The following MAN2A1 variants were observed in gnomAD, a reference collection of about 807,000 sequenced individuals.
MAN2A1 encodes the protein mannosidase alpha class 2A member 1.
Under a neutral mutation model 142.6 loss-of-function variants are expected in MAN2A1, and 76 were observed. The observed-to-expected ratio is 0.53, with a 90% confidence interval of 0.44 to 0.65. MAN2A1 has a LOEUF of 0.65. Among genes scored for constraint, MAN2A1 ranks in the 30% least tolerant of loss-of-function variants. The probability of loss-of-function intolerance (pLI) is 0.00; values close to 1 mark genes in which losing one functional copy is unlikely to be tolerated. For synonymous variants in MAN2A1, 559 were observed against 473.2 expected, an observed-to-expected ratio of 1.18 and a Z score of -2.35; for missense variants, 1,311 against 1,365.1, an observed-to-expected ratio of 0.96 and a Z score of 0.62.
At chr5:109,723,302 A>C (rs1751655833) in intron 3 of MAN2A1, among the ~76,000 whole-genome samples, 1 of 152,186 alleles carries the variant, frequency 6.6e-6, no homozygotes, top group African/African-American at 2.4e-5. Flanking sequence ...GAATCAACTG[A>C]GAAAAACAGG....
At position 109,841,456 on chromosome 5, in the gene MAN2A1, C is replaced by T. The variant is rs568259954; in HGVS notation, c.2567-872C>T. Reference sequence around the variant, plus strand: ...TAATAGTCTCCAGTCTCATGGAGGTCGCTGCAAATGCCATTAATTCATTCC... The same window carrying T: ...TAATAGTCTCCAGTCTCATGGAGGTTGCTGCAAATGCCATTAATTCATTCC... On this transcript the variant is annotated intron_variant, in intron 16 of 21. Coordinates refer to ENST00000261483, the MANE Select transcript of MAN2A1 (RefSeq NM_002372.4). Among the ~76,000 whole-genome samples the T allele has an allele frequency of 4.9e-4, 75 of 152,244 alleles. 1 individual carries two copies. In the South Asian group the frequency reaches 0.011, roughly 21 times the overall value.
chr5:109,719,465 A>G (rs1206833615), intron 3 of MAN2A1, among the ~76,000 whole-genome samples: 1 of 152,212 alleles, frequency 6.6e-6, no homozygotes, highest in East Asian at 1.9e-4. Flanking sequence ...GAGGAAAAAG[A>G]GAAAAGTGTG....
chr5:109,861,320 A>G (rs141593201), intron 20 of MAN2A1, among the ~76,000 whole-genome samples: 53 of 152,312 alleles, frequency 3.5e-4, no homozygotes, highest in African/African-American at 1.3e-3. Context: ...GTCATGAACA[A>G]CGGCAGTTGT....
intron 17 of MAN2A1, among the ~76,000 whole-genome samples, chr5:109,843,904 C>T (rs1219029976): frequency 6.6e-6 from 1 of 152,086 alleles, no homozygotes; most frequent in Non-Finnish European, 1.5e-5. Flanking sequence ...AATAATTTTA[C>T]AATAAACACT....
rs568842014 is a variant in MAN2A1, at chr5:109,738,860, T to A, written c.707+9347T>A. Among the ~76,000 whole-genome samples the A allele has an allele frequency of 7.2e-5, 11 of 152,290 alleles. No individual in the cohort carries two copies. The South Asian group carries it at 2.1e-3, about 29-fold the overall frequency. On this transcript the variant is annotated intron_variant, in intron 4 of 21. Transcript: ENST00000261483. ...ACTTTTCTTTTAGTTTTTGTTTTTTTTTGAAACAGGGTCCCACTCTGTTCT... is the reference window on the plus strand; with the variant it reads ...ACTTTTCTTTTAGTTTTTGTTTTTTATTGAAACAGGGTCCCACTCTGTTCT...
chr5:109,714,177 C>CTT (rs376535285), intron 2 of MAN2A1, among the ~76,000 whole-genome samples: 7,713 of 140,560 alleles, frequency 0.055, 215 homozygotes, highest in South Asian at 0.1. Context: ...TAAGGTTAGA[C>CTT]TTTTTTTTTT....
At chr5:109,736,071 C>G (rs1582840750) in intron 4 of MAN2A1, among the ~76,000 whole-genome samples, 1 of 151,918 alleles carries the variant, frequency 6.6e-6, no homozygotes, top group Non-Finnish European at 1.5e-5. Context: ...TCCAGTTACT[C>G]AAGACAAACT....
At chr5:109,854,875 T>C (rs879913170) in intron 19 of MAN2A1, 15 of 282,774 alleles carry the variant, frequency 5.3e-5, no homozygotes, top group Non-Finnish European at 2.6e-5. Flanking sequence ...GAAATGTTTG[T>C]AGGAAATGTT....
intron 16 of MAN2A1, among the ~76,000 whole-genome samples, chr5:109,835,424 C>G (rs1474111233): frequency 6.6e-6 from 1 of 152,204 alleles, no homozygotes; most frequent in South Asian, 2.1e-4. Context: ...TTAAGACACT[C>G]AGACATTTCT....
chr5:109,719,792 T>A, intron 3 of MAN2A1, among the ~76,000 whole-genome samples: 1 of 152,162 alleles, frequency 6.6e-6, no homozygotes. Flanking sequence ...GTTGGTAATA[T>A]CTCTCAAGAA....
At chr5:109,833,018 C>G (rs892045460) in intron 16 of MAN2A1, among the ~76,000 whole-genome samples, 3 of 151,334 alleles carry the variant, frequency 2.0e-5, no homozygotes, top group Non-Finnish European at 4.4e-5. Context: ...AGAGGCGCTC[C>G]TCACATCCCA....
At chr5:109,697,330 A>G (rs1017358170) in intron 1 of MAN2A1, among the ~76,000 whole-genome samples, 6 of 152,234 alleles carry the variant, frequency 3.9e-5, no homozygotes, top group Admixed American at 3.9e-4. Flanking sequence ...CTGGAAAATA[A>G]GGAGAGTGGA....
intron 3 of MAN2A1, among the ~76,000 whole-genome samples, chr5:109,723,115 T>A (rs1751650586): frequency 1.3e-5 from 2 of 152,176 alleles, no homozygotes; most frequent in Non-Finnish European, 2.9e-5. Flanking sequence ...ACATTGTACG[T>A]ATAGGGCTGC....
chr5:109,817,245 C>A, intron 12 of MAN2A1, 28 bp from the exon 13 acceptor site: 1 of 1,602,944 alleles, frequency 6.2e-7, no homozygotes, highest in Non-Finnish European at 8.5e-7. Context: ...ATTTTGAGAT[C>A]CCAATAATGA....
At chr5:109,862,207 T>C (rs1580325489) in intron 20 of MAN2A1, 1 of 152,282 alleles carries the variant, frequency 6.6e-6, no homozygotes, top group East Asian at 1.9e-4. Context: ...AAATGGTTCA[T>C]GGTAGAAAAA....
chr5:109,855,338 T>A lies in MAN2A1; in HGVS notation c.3171+4T>A. On this transcript the variant is annotated splice_donor_region_variant and intron_variant, in intron 20 of 21. Transcript: ENST00000261483. ...TTTGAGAACAATACAGTCAAAGGTA[T>A]GTCTCAAAATATATCTTATAAAAAA... is the stretch of plus-strand genomic sequence containing the variant. 1.3e-6 allele frequency: 2 copies of A among 1,531,794 alleles called. No homozygotes were observed. Among genetic ancestry groups the A allele is most frequent in the South Asian group, 1.3e-5 (1 of 76,600 alleles). The allele number at this position is 1,531,794 out of a possible 1,614,324, so 94.9% of individuals were successfully genotyped here. A position where few individuals can be genotyped will look rare whatever the true frequency, so the allele number is the denominator to read the frequency against.
intron 20 of MAN2A1, among the ~76,000 whole-genome samples, chr5:109,857,345 T>C (rs750593763): frequency 6.8e-4 from 103 of 152,164 alleles, no homozygotes; most frequent in Admixed American, 2.0e-3. Flanking sequence ...ACATTTTGGC[T>C]CCCCGAGGTG....
At chr5:109,772,800 A>G (rs895443044) in intron 7 of MAN2A1, among the ~76,000 whole-genome samples, 1 of 152,148 alleles carries the variant, frequency 6.6e-6, no homozygotes, top group African/African-American at 2.4e-5. Context: ...ATGAGCCACC[A>G]TGCCTAGCCC....
intron 8 of MAN2A1, among the ~76,000 whole-genome samples, chr5:109,781,019 T>G (rs1369699378): frequency 6.6e-6 from 1 of 152,210 alleles, no homozygotes; most frequent in Non-Finnish European, 1.5e-5. Context: ...TGGAACACTT[T>G]AATATGTCTT....
Sources: gnomAD v4.1 joint callset for allele counts (sites outside exome capture counted in the v4.1 genomes callset) on GRCh38, gnomAD v4.1.1 for gene constraint, MANE v1.5 for transcripts, NCBI Gene and HGNC (gene_info 2026-07-23, HGNC 2026-07-21) for gene names.